SETBP1: variants seen among roughly 807,000 people sequenced by gnomAD.
The protein encoded by SETBP1 is SET-binding protein.
In SETBP1, 9 loss-of-function variants were observed where a neutral mutation model predicts 101.0. The ratio of observed to expected loss-of-function variants is 0.09; its 90% CI spans 0.05 to 0.16. The LOEUF (loss-of-function observed/expected upper bound fraction) is 0.16, where lower values mean the gene tolerates loss of function less well. Among genes scored for constraint, SETBP1 ranks in the 10% least tolerant of loss-of-function variants. SETBP1 has a pLI of 1.00. For missense variants in SETBP1, 1,858 were observed against 2,033.8 expected (o/e 0.91, Z 1.66); for synonymous variants, 818 against 788.5 (o/e 1.04, Z -0.63).
At chr18:44,789,627 G>A (rs1483767119) in intron 2 of SETBP1, among the ~76,000 whole-genome samples, 9 of 152,104 alleles carry the variant, frequency 5.9e-5, no homozygotes, top group Admixed American at 3.9e-4. Flanking sequence ...CTGCGCTCTC[G>A]CTCCTGTTTT....
intron 2 of SETBP1, among the ~76,000 whole-genome samples, chr18:44,768,145 G>T (rs2070798534): frequency 6.6e-6 from 1 of 152,158 alleles, no homozygotes; most frequent in East Asian, 1.9e-4. Context: ...GTAGAGTCTG[G>T]GCTGGTGGTC....
At chr18:44,921,926 T>G (rs2070590622) in intron 3 of SETBP1, among the ~76,000 whole-genome samples, 1 of 152,162 alleles carries the variant, frequency 6.6e-6, no homozygotes, top group Non-Finnish European at 1.5e-5. Context: ...GTCACAGGCA[T>G]GTAGGATCTT....
Position 44,953,039 on chromosome 18 carries a change from A to G in SETBP1, c.3699A>G (p.Thr1233=), listed in dbSNP as rs539410225. Residue 1233 remains threonine, a synonymous_variant, in exon 4 of 6, where the codon ACA becomes ACG. Coordinates refer to ENST00000649279, the MANE Select transcript of SETBP1 (RefSeq NM_015559.3). The stretch of plus-strand genomic sequence containing the variant: ...ACTTTGAGGTGGACACCCTGTCTAC[A>G]CTGTCACTTTCCGACGCCCAGCATT... ...KNNFEVDTLS[T]LSLSDAQHWT... is the part of the protein sequence containing the mutation. 3 of 1,614,174 alleles carry G rather than the reference A, an allele frequency of 1.9e-6. No individual in the cohort carries two copies. Among genetic ancestry groups the G allele is most frequent in the Admixed American group, 3.3e-5 (2 of 60,026 alleles).
intron 3 of SETBP1, among the ~76,000 whole-genome samples, chr18:44,893,124 A>G (rs954277549): frequency 2.0e-5 from 3 of 152,158 alleles, no homozygotes; most frequent in African/African-American, 7.2e-5. Flanking sequence ...TCCCTTTTCC[A>G]TAACAACTGT....
rs1348184187 is a variant in SETBP1, at chr18:45,063,686, G to A, written c.4779G>A (p.Glu1593=). The A allele has an allele frequency of 1.9e-6, 3 of 1,608,156 alleles. No individual in the cohort carries two copies. The highest frequency in any genetic ancestry group is 3.4e-5 in the Admixed American group (2 of 59,584). The change falls in exon 6 of 6, where the codon GAG becomes GAA. Residue 1593 remains glutamate, a synonymous_variant. Coordinates refer to ENST00000649279, the MANE Select transcript of SETBP1 (RefSeq NM_015559.3). ...RQRKSRGSES[E]VLP is the part of the protein sequence containing the mutation. Reference sequence around the variant, plus strand: ...GGAAGTCCCGAGGGAGTGAGAGCGAGGTCCTTCCCTAGGGCGGGTCTGGGC... The same window carrying A: ...GGAAGTCCCGAGGGAGTGAGAGCGAAGTCCTTCCCTAGGGCGGGTCTGGGC...
chr18:44,921,000 C>T (rs929303275), intron 3 of SETBP1, among the ~76,000 whole-genome samples: 39 of 152,110 alleles, frequency 2.6e-4, no homozygotes, highest in Admixed American at 2.6e-3. Context: ...TCTGAGGCCT[C>T]GATTTCAGTC....
chr18:44,694,946 G>C (rs2068991049), intron 1 of SETBP1, among the ~76,000 whole-genome samples: 5 of 152,184 alleles, frequency 3.3e-5, no homozygotes, highest in Admixed American at 3.3e-4. Context: ...GGAGCATGCT[G>C]ATGAAAAGAC....
At chr18:44,984,254 G>A (rs1053065384) in intron 4 of SETBP1, among the ~76,000 whole-genome samples, 2 of 152,176 alleles carry the variant, frequency 1.3e-5, no homozygotes, top group East Asian at 1.9e-4. Flanking sequence ...GCTAGGGACT[G>A]GTTTTGTGGA....
At position 44,836,193 on chromosome 18, in the gene SETBP1, C is replaced by T. The variant is rs535647651; in HGVS notation, c.487-33037C>T. On this transcript the variant is annotated intron_variant, in intron 2 of 5. Coordinates refer to ENST00000649279, the MANE Select transcript of SETBP1 (RefSeq NM_015559.3). ...ATTTGGTTTCTGCCACCAAGCGAATCAGGAAAGTTTGATCCACAAACACTG... is the reference window on the plus strand; with the variant it reads ...ATTTGGTTTCTGCCACCAAGCGAATTAGGAAAGTTTGATCCACAAACACTG... Among the ~76,000 whole-genome samples the T allele has an allele frequency of 5.1e-4, 78 of 151,740 alleles. 4 individuals are homozygous for T. In the South Asian group the frequency reaches 0.015, roughly 30 times the overall value.
chr18:45,020,394 G>A (rs770325941), intron 4 of SETBP1, among the ~76,000 whole-genome samples: 1 of 151,416 alleles, frequency 6.6e-6, no homozygotes, highest in Non-Finnish European at 1.5e-5. Context: ...AGACAAGCCT[G>A]GACCTAACTG....
chr18:44,826,931 A>C (rs930431037), intron 2 of SETBP1, among the ~76,000 whole-genome samples: 2 of 152,152 alleles, frequency 1.3e-5, no homozygotes, highest in Non-Finnish European at 2.9e-5. Context: ...GGCCCACAAA[A>C]GGGCCACAGA....
intron 2 of SETBP1, among the ~76,000 whole-genome samples, chr18:44,752,757 G>C (rs1022435873): frequency 2.6e-5 from 4 of 152,196 alleles, no homozygotes; most frequent in African/African-American, 7.2e-5. Flanking sequence ...GCAGCATAGA[G>C]AGTTATCACT....
At chr18:44,680,636 G>C (rs927285066), upstream of SETBP1, among the ~76,000 whole-genome samples, 1 of 152,182 alleles carries the variant, frequency 6.6e-6, no homozygotes, top group Non-Finnish European at 1.5e-5. Context: ...CCGGCGGGTG[G>C]GCGGCGATGC....
At chr18:45,006,309 A>G (rs1568023717) in intron 4 of SETBP1, among the ~76,000 whole-genome samples, 1 of 152,042 alleles carries the variant, frequency 6.6e-6, no homozygotes, top group South Asian at 2.1e-4. Context: ...TACTTCATAT[A>G]TGTCTGTTCC....
At chr18:44,705,371 T>C (rs1287915727) in intron 2 of SETBP1, among the ~76,000 whole-genome samples, 1 of 152,186 alleles carries the variant, frequency 6.6e-6, no homozygotes, top group African/African-American at 2.4e-5. Flanking sequence ...AAGATTCAAC[T>C]ATTTACTCTC....
chr18:44,943,790 G>GGATTCAT (rs1234982988), intron 3 of SETBP1, among the ~76,000 whole-genome samples: 1 of 152,046 alleles, frequency 6.6e-6, no homozygotes, highest in Non-Finnish European at 1.5e-5. Flanking sequence ...TCCCACAGTG[G>GGATTCAT]GAGGTCATGA....
At chr18:45,011,171 G>C (rs1339432772) in intron 4 of SETBP1, among the ~76,000 whole-genome samples, 2 of 152,148 alleles carry the variant, frequency 1.3e-5, no homozygotes, top group Non-Finnish European at 2.9e-5. Flanking sequence ...GCTTGGAACA[G>C]GACTACGTTG....
intron 2 of SETBP1, among the ~76,000 whole-genome samples, chr18:44,768,110 C>T (rs1382257062): frequency 6.6e-6 from 1 of 152,124 alleles, no homozygotes; most frequent in Non-Finnish European, 1.5e-5. Context: ...AGTAGGGGCA[C>T]CTGTTGTTAG....
rs1211450420 is a variant in SETBP1 at position 45,004,706 on chromosome 18, TC to T, written c.4001-33778del. Among the ~76,000 whole-genome samples, 4 of 152,196 alleles carry T rather than the reference TC, an allele frequency of 2.6e-5. No individual in the cohort carries two copies. The East Asian group carries it at 7.7e-4, about 29-fold the overall frequency. On this transcript the variant is annotated intron_variant, in intron 4 of 5. Coordinates refer to ENST00000649279, the MANE Select transcript of SETBP1 (RefSeq NM_015559.3). ...CCCAGTGTTTCTGGCTCATAACATA[TC>T]TATTTACAGGCCTAGGCAGTGAATC... is the stretch of plus-strand genomic sequence containing the variant.
Sources: gnomAD v4.1 joint callset for allele counts (sites outside exome capture counted in the v4.1 genomes callset) on GRCh38, gnomAD v4.1.1 for gene constraint, MANE v1.5 for transcripts, NCBI Gene and HGNC (gene_info 2026-07-23, HGNC 2026-07-21) for gene names.